KHK: variants seen among roughly 807,000 people sequenced by gnomAD.
KHK encodes the protein fructokinase.
KHK carries 37 observed loss-of-function variants against 36.0 expected under a neutral mutation model. The ratio of observed to expected loss-of-function variants is 1.03; its 90% CI spans 0.79 to 1.35. The LOEUF is 1.35. KHK is among the 40% of genes most tolerant of loss of function. The probability of loss-of-function intolerance (pLI) is 0.00; values close to 1 mark genes in which losing one functional copy is unlikely to be tolerated. For missense variants in KHK, 395 were observed against 391.9 expected (o/e 1.01, Z -0.07); for synonymous variants, 161 against 162.8 (o/e 0.99, Z 0.08).
chr2:27,100,553 A>G lies in KHK; in HGVS notation c.*803A>G. ...TAGGGTGGGTAAGGCCTTATAATGT[A>G]AAGAGCATATAATGTAAAGGGCTTT... On this transcript the variant is annotated 3_prime_UTR_variant, in exon 8 of 8. Coordinates refer to ENST00000260598, the MANE Select transcript of KHK (RefSeq NM_006488.3). 7.8e-7 allele frequency: 1 copy of G among 1,290,080 alleles called. No individual in the cohort carries two copies. The highest frequency in any genetic ancestry group is 1.0e-6 in the Non-Finnish European group (1 of 988,092). The allele number at this position is 1,290,080 out of a possible 1,614,324, so 79.9% of individuals were successfully genotyped here.
intron 4 of KHK, among the ~76,000 whole-genome samples, 172 bp from the exon 5 acceptor site, chr2:27,097,331 T>C (rs1174561434): frequency 6.6e-6 from 1 of 152,196 alleles, no homozygotes; most frequent in African/African-American, 2.4e-5. Context: ...AGCTGGTTGA[T>C]AAGGTCTTCA....
chr2:27,099,398 G>C (rs1670639687), intron 6 of KHK, 22 bp from the exon 7 acceptor site: 2 of 1,612,630 alleles, frequency 1.2e-6, no homozygotes, highest in Non-Finnish European at 1.7e-6. Context: ...CTAACACCCA[G>C]CTGAGTGGAG....
intron 4 of KHK, 95 bp downstream of exon 4, chr2:27,096,896 T>C (rs1039025361): frequency 2.2e-6 from 2 of 913,252 alleles, no homozygotes; most frequent in Non-Finnish European, 3.6e-6. Context: ...TGAAGTACCT[T>C]AGAGATAAAT....
intron 5 of KHK, chr2:27,098,982 A>T (rs1670593943): frequency 3.8e-6 from 2 of 530,826 alleles, no homozygotes; most frequent in East Asian, 3.5e-5. Context: ...GGAAGATCAT[A>T]TGGGGCCAGG....
At position 27,094,850 on chromosome 2, in the gene KHK, C is replaced by T. The variant is rs149502628; in HGVS notation, c.260C>T (p.Ala87Val). The change falls in exon 3 of 8, where the codon GCC becomes GTC. Residue 87 changes from alanine (A) to valine (V), a missense_variant. Ala to Val is a moderately conservative substitution (Grantham distance 64). Coordinates refer to ENST00000260598, the MANE Select transcript of KHK (RefSeq NM_006488.3). ...RRRGVDVSQV[A>V]WQSKGDTPSS... ...CGGGGCGTGGACGTGTCTCAGGTGGCCTGGCAGAGCAAGGGGGACACCCCC... is the reference window on the plus strand; with the variant it reads ...CGGGGCGTGGACGTGTCTCAGGTGGTCTGGCAGAGCAAGGGGGACACCCCC... 6.2e-7 allele frequency: 1 copy of T among 1,614,048 alleles called. No homozygotes were observed. Among genetic ancestry groups the T allele is most frequent in the Non-Finnish European group, 8.5e-7 (1 of 1,180,054 alleles).
rs1490275819 is a variant in KHK, at chr2:27,099,478, A to G, written c.712A>G (p.Lys238Glu). The change falls in exon 7 of 8, where the codon AAA becomes GAA. Residue 238 changes from lysine to glutamate, a missense_variant. Lys to Glu is a moderately conservative substitution (Grantham distance 56). Coordinates refer to ENST00000260598, the MANE Select transcript of KHK (RefSeq NM_006488.3). The part of the protein sequence containing the change: ...EGADALGPDG[K>E]LLHSDAFPPP... Reference sequence around the variant, plus strand: ...CGCCGACGCCCTGGGCCCTGATGGCAAATTGCTCCACTCGGATGCTTTCCC... The same window carrying G: ...CGCCGACGCCCTGGGCCCTGATGGCGAATTGCTCCACTCGGATGCTTTCCC... 14 of 1,614,136 alleles carry G rather than the reference A, an allele frequency of 8.7e-6. No homozygotes were observed. Among genetic ancestry groups the G allele is most frequent in the Non-Finnish European group, 1.2e-5 (14 of 1,179,990 alleles).
chr2:27,096,993 A>G (rs1380460847), intron 4 of KHK, among the ~76,000 whole-genome samples, 192 bp downstream of exon 4: 1 of 152,224 alleles, frequency 6.6e-6, no homozygotes, highest in African/African-American at 2.4e-5. Flanking sequence ...TGACTTACTC[A>G]AGGTCACACA....
chr2:27,092,466 A>T lies in KHK; in HGVS notation c.209+18A>T. ...GTTGCTGAGTAAGTCCAGGAGGGAGAGCCCACTGGGGAAGGCCTGCCTGCA... is the reference window on the plus strand; with the variant it reads ...GTTGCTGAGTAAGTCCAGGAGGGAGTGCCCACTGGGGAAGGCCTGCCTGCA... On this transcript the variant is annotated intron_variant, in intron 2 of 7. Coordinates refer to ENST00000260598, the MANE Select transcript of KHK (RefSeq NM_006488.3). The T allele has an allele frequency of 6.4e-7, 1 of 1,565,982 alleles. No individual in the cohort carries two copies. Among genetic ancestry groups the T allele is most frequent in the Non-Finnish European group, 8.8e-7 (1 of 1,137,918 alleles).
chr2:27,100,216 T>A lies in KHK; in HGVS notation c.*466T>A. ...AAACCGTGAGAGCTCTTCGGGGCCC[T>A]GCGTTGTGCAGACTCTATTCCCACA... On this transcript the variant is annotated 3_prime_UTR_variant, in exon 8 of 8. Coordinates refer to ENST00000260598, the MANE Select transcript of KHK (RefSeq NM_006488.3). 2.5e-6 allele frequency: 1 copy of A among 403,154 alleles called. No individual in the cohort carries two copies. Among genetic ancestry groups the A allele is most frequent in the Non-Finnish European group, 4.7e-6 (1 of 213,862 alleles). The allele number at this position is 403,154 out of a possible 1,614,324, so 25.0% of individuals were successfully genotyped here. A position where few individuals can be genotyped will look rare whatever the true frequency, so the allele number is the denominator to read the frequency against.
intron 5 of KHK, 47 bp downstream of exon 5, chr2:27,097,696 T>C (rs1429935026): frequency 6.2e-7 from 1 of 1,612,734 alleles, no homozygotes. Context: ...GCTAATTTGG[T>C]TCTTAAAGGG....
At position 27,099,453 on chromosome 2, in the gene KHK, C is replaced by T. The variant is rs142428157; in HGVS notation, c.687C>T (p.Gly229=). 270 of 1,613,814 alleles carry T rather than the reference C, an allele frequency of 1.7e-4. No homozygotes were observed. Among genetic ancestry groups the T allele is most frequent in the Non-Finnish European group, 2.2e-4 (254 of 1,179,918 alleles). Residue 229 remains glycine, a synonymous_variant, in exon 7 of 8, where the codon GGC becomes GGT. Coordinates refer to ENST00000260598, the MANE Select transcript of KHK (RefSeq NM_006488.3). ...TTGTCTGTGCCTGGGCTGAGGAGGG[C>T]GCCGACGCCCTGGGCCCTGATGGCA... is the stretch of plus-strand genomic sequence containing the variant. The part of the protein sequence containing the change: ...AVLVCAWAEE[G]ADALGPDGKL...
At chr2:27,087,525 G>A (rs2119026) in intron 1 of KHK, among the ~76,000 whole-genome samples, 174 bp downstream of exon 1, 79,084 of 152,158 alleles carry the variant, frequency 0.52, 22,376 homozygotes, top group East Asian at 0.77. Flanking sequence ...ACAGAAGAGA[G>A]GAAGGAATTG....
At position 27,094,560 on chromosome 2, in the gene KHK, C is replaced by T. The variant is rs148370039; in HGVS notation, c.210-240C>T. 2.1e-4 allele frequency: 344 copies of T among 1,614,180 alleles called. No homozygotes were observed. The African/African-American group carries it at 3.7e-3, about 18-fold the overall frequency. On this transcript the variant is annotated intron_variant, in intron 2 of 7. Transcript: ENST00000260598. ...ACCACAGGCTCCGTCCCCATCGCCA[C>T]GGTCATCATCAACGAGGCCAGTGGT...
At position 27,094,585 on chromosome 2, in the gene KHK, T is replaced by C. The variant is rs1157336426; in HGVS notation, c.210-215T>C. ...CGGTCATCATCAACGAGGCCAGTGG[T>C]AGCCGCACCATCCTATACTATGACA... On this transcript the variant is annotated intron_variant, in intron 2 of 7. Transcript: ENST00000260598. 6 of 1,614,062 alleles carry C rather than the reference T, an allele frequency of 3.7e-6. No homozygotes were observed. The African/African-American group carries it at 8.0e-5, about 22-fold the overall frequency.
Position 27,100,613 on chromosome 2 carries a change from TA to T in KHK, c.*865del. ...CAGACCTGGATTAAAATCTGCCATT[TA>T]ATTAGCTGCATATCACCTTAGGGTA... On this transcript the variant is annotated 3_prime_UTR_variant, in exon 8 of 8. Transcript: ENST00000260598. 2 of 1,207,752 alleles carry T rather than the reference TA, an allele frequency of 1.7e-6. No homozygotes were observed. The highest frequency in any genetic ancestry group is 2.6e-5 in the South Asian group (2 of 77,332). 74.8% of individuals were successfully genotyped at this position (1,207,752 alleles called of 1,614,324 possible). A position where few individuals can be genotyped will look rare whatever the true frequency, so the allele number is the denominator to read the frequency against.
chr2:27,095,061 C>T, intron 3 of KHK, 127 bp downstream of exon 3: 1 of 1,100,302 alleles, frequency 9.1e-7, no homozygotes. Context: ...AGTTGCTCCC[C>T]TGCCAAAATG....
In KHK at chr2:27,099,411, G is replaced by C; in HGVS notation, c.654-9G>C. On this transcript the variant is annotated splice_polypyrimidine_tract_variant and intron_variant, in intron 6 of 7. Transcript: ENST00000260598. ...GGCTAACACCCAGCTGAGTGGAGCC[G>C]TCTTGCAGGGCTGTGCTTGTCTGTG... The C allele has an allele frequency of 6.2e-7, 1 of 1,613,524 alleles. No individual in the cohort carries two copies. The highest frequency in any genetic ancestry group is 8.5e-7 in the Non-Finnish European group (1 of 1,179,560).
At chr2:27,094,305 C>T in intron 2 of KHK, 4 of 759,396 alleles carry the variant, frequency 5.3e-6, no homozygotes, top group Non-Finnish European at 9.2e-6. Context: ...TGCACTCCTG[C>T]ATCTCCTGCC....
chr2:27,088,474 A>G, intron 1 of KHK, among the ~76,000 whole-genome samples: 1 of 151,978 alleles, frequency 6.6e-6, no homozygotes, highest in Non-Finnish European at 1.5e-5. Flanking sequence ...ATGCAGTGGC[A>G]TGATCTTGGC....
Sources: allele counts gnomAD v4.1 joint callset (sites outside exome capture counted in the v4.1 genomes callset), GRCh38; gene constraint gnomAD v4.1.1; transcripts MANE v1.5; gene names NCBI Gene and HGNC (gene_info 2026-07-23, HGNC 2026-07-21).